Variants in CNOT6L observed in about 807,000 individuals in gnomAD.
CNOT6L encodes CCR4-NOT transcription complex subunit 6-like.
Under a neutral mutation model 64.0 loss-of-function variants are expected in CNOT6L, and 7 were observed. The ratio of observed to expected loss-of-function variants is 0.11; its 90% CI spans 0.06 to 0.21. The LOEUF is 0.21. Ranked by LOEUF, CNOT6L falls within the 10% of genes least tolerant of loss-of-function variation. The pLI is 1.00. For synonymous variants in CNOT6L, 193 were observed against 243.4 expected, an observed-to-expected ratio of 0.79 and a Z score of 1.93; for missense variants, 245 against 669.0, an observed-to-expected ratio of 0.37 and a Z score of 6.99.
intron 1 of CNOT6L, among the ~76,000 whole-genome samples, chr4:77,811,471 T>C (rs1314044990): frequency 6.6e-6 from 1 of 151,966 alleles, no homozygotes; most frequent in Non-Finnish European, 1.5e-5. Flanking sequence ...CACTTGAACC[T>C]GGGAGGCGGA....
Position 77,715,741 on chromosome 4 carries a change from T to C in CNOT6L, c.*4690A>G, listed in dbSNP as rs924758155. ...ATCTTGTTCAAGACATCCTGTAGTT[T>C]AGATATATGGGCTGCTTCTTTTTTA... On this transcript the variant is annotated 3_prime_UTR_variant, in exon 12 of 12. Transcript: ENST00000504123. 3 of 152,408 alleles carry C rather than the reference T, an allele frequency of 2.0e-5. No homozygotes were observed. Among genetic ancestry groups the C allele is most frequent in the African/African-American group, 4.8e-5 (2 of 41,446 alleles). The allele number at this position is 152,408 out of a possible 1,614,324, so 9.4% of individuals were successfully genotyped here.
At chr4:77,747,402 A>C (rs1724317785) in intron 6 of CNOT6L, among the ~76,000 whole-genome samples, 1 of 152,176 alleles carries the variant, frequency 6.6e-6, no homozygotes, top group Non-Finnish European at 1.5e-5. Flanking sequence ...TCCTGGCCTC[A>C]ACAGATCTGC....
chr4:77,767,267 AT>A (rs1217082815), intron 4 of CNOT6L, among the ~76,000 whole-genome samples: 1 of 152,148 alleles, frequency 6.6e-6, no homozygotes. Context: ...TAAGATGTCA[AT>A]TCTTCCTAAA....
At chr4:77,746,137 C>A (rs1212599316) in intron 6 of CNOT6L, among the ~76,000 whole-genome samples, 2 of 152,166 alleles carry the variant, frequency 1.3e-5, no homozygotes, top group Non-Finnish European at 2.9e-5. Flanking sequence ...AGGCAGACTG[C>A]CATTTGCTTC....
chr4:77,787,951 G>A (rs1051343477), intron 1 of CNOT6L, among the ~76,000 whole-genome samples: 3 of 152,090 alleles, frequency 2.0e-5, no homozygotes, highest in Non-Finnish European at 4.4e-5. Context: ...TCAGATATAT[G>A]CCTTCAATAA....
chr4:77,772,650 C>T (rs191720416), intron 4 of CNOT6L, among the ~76,000 whole-genome samples: 2 of 152,224 alleles, frequency 1.3e-5, no homozygotes, highest in Admixed American at 6.5e-5. Flanking sequence ...AGGCAGGGCA[C>T]GGTGGCTCAC....
chr4:77,793,758 T>C (rs966362545), intron 1 of CNOT6L, among the ~76,000 whole-genome samples: 1 of 152,138 alleles, frequency 6.6e-6, no homozygotes, highest in African/African-American at 2.4e-5. Flanking sequence ...AGAAGACAGA[T>C]AAGCTTTCTA....
chr4:77,783,311 A>G (rs2110086796), intron 1 of CNOT6L, among the ~76,000 whole-genome samples: 1 of 152,350 alleles, frequency 6.6e-6, no homozygotes, highest in South Asian at 2.1e-4. Context: ...CATTTACTGT[A>G]CCAAGCACTA....
chr4:77,740,186 C>T (rs1384147416), intron 8 of CNOT6L, among the ~76,000 whole-genome samples: 1 of 151,908 alleles, frequency 6.6e-6, no homozygotes, highest in East Asian at 1.9e-4. Context: ...CCTAGGGCAA[C>T]ACAGCAAGAC....
intron 1 of CNOT6L, among the ~76,000 whole-genome samples, chr4:77,813,529 C>CTAG (rs1733203518): frequency 6.6e-6 from 1 of 152,072 alleles, no homozygotes; most frequent in Non-Finnish European, 1.5e-5. Flanking sequence ...ATAAGGGACA[C>CTAG]ATCTAGAGTA....
At chr4:77,741,657 C>A (rs577471768) in intron 8 of CNOT6L, among the ~76,000 whole-genome samples, 4 of 152,104 alleles carry the variant, frequency 2.6e-5, no homozygotes, top group Non-Finnish European at 5.9e-5. Context: ...GGAACTATGT[C>A]TTGACTATCT....
intron 5 of CNOT6L, among the ~76,000 whole-genome samples, chr4:77,754,887 G>GGAAAAAAAAA (rs1725286474): frequency 8.1e-5 from 1 of 12,304 alleles, no homozygotes. Flanking sequence ...AACATTAGAA[G>GGAAAAAAAAA]TAAAAAAAAA....
At chr4:77,729,194 GA>G (rs1377533891) in intron 9 of CNOT6L, 113 bp from the exon 10 acceptor site, 4 of 739,612 alleles carry the variant, frequency 5.4e-6, no homozygotes, top group Non-Finnish European at 9.1e-6. Context: ...TCTTTTCCAT[GA>G]ATTTATAACT....
chr4:77,780,840 G>A (rs902880153), intron 1 of CNOT6L, among the ~76,000 whole-genome samples: 1 of 152,142 alleles, frequency 6.6e-6, no homozygotes, highest in African/African-American at 2.4e-5. Flanking sequence ...GTATACTCCT[G>A]TGGTCCCACC....
In CNOT6L at chr4:77,731,752, T is replaced by C. The variant is rs1377425114; in HGVS notation, c.873-214A>G. Reference sequence around the variant, plus strand: ...CAAAGACAGCATATATATCCCTTCATGCTTTTATACCTTGCCCCTTACAGC... The same window carrying C: ...CAAAGACAGCATATATATCCCTTCACGCTTTTATACCTTGCCCCTTACAGC... On this transcript the variant is annotated intron_variant, in intron 8 of 11. Transcript: ENST00000504123. 2.3e-5 allele frequency: 10 copies of C among 431,550 alleles called. No individual in the cohort carries two copies. The East Asian group carries it at 3.7e-4, about 16-fold the overall frequency. 26.7% of individuals were successfully genotyped at this position (431,550 alleles called of 1,614,324 possible).
At chr4:77,744,176 T>C (rs747460235) in intron 7 of CNOT6L, among the ~76,000 whole-genome samples, 38 of 152,184 alleles carry the variant, frequency 2.5e-4, no homozygotes, top group Admixed American at 1.2e-3. Context: ...ACAGAACACA[T>C]TTCATGAAAA....
chr4:77,768,874 A>AATTTGTAC (rs1727197104), intron 4 of CNOT6L, among the ~76,000 whole-genome samples: 8 of 152,138 alleles, frequency 5.3e-5, no homozygotes, highest in Admixed American at 2.0e-4. Flanking sequence ...CCACTTTGTA[A>AATTTGTAC]AACATTATGG....
At chr4:77,775,652 C>T (rs1469540603) in intron 2 of CNOT6L, among the ~76,000 whole-genome samples, 1 of 152,134 alleles carries the variant, frequency 6.6e-6, no homozygotes, top group African/African-American at 2.4e-5. Flanking sequence ...ACGCAGGCTA[C>T]CATTTTGCAT....
chr4:77,763,924 A>G (rs1726521358), intron 4 of CNOT6L, among the ~76,000 whole-genome samples: 1 of 152,248 alleles, frequency 6.6e-6, no homozygotes, highest in South Asian at 2.1e-4. Context: ...AAATACTTAG[A>G]CCGAAACAGT....
Sources: gnomAD v4.1 joint callset for allele counts (sites outside exome capture counted in the v4.1 genomes callset) on GRCh38, gnomAD v4.1.1 for gene constraint, MANE v1.5 for transcripts, NCBI Gene and HGNC (gene_info 2026-07-23, HGNC 2026-07-21) for gene names.